The following BCL2L14 variants were observed in gnomAD, a reference collection of about 807,000 sequenced individuals.
The protein encoded by BCL2L14 is apoptosis facilitator Bcl-2-like protein 14.
A neutral mutation model predicts 35.3 loss-of-function variants in BCL2L14; 27 were observed. The observed-to-expected ratio is 0.76, with a 90% CI of 0.56 to 1.05. The LOEUF (loss-of-function observed/expected upper bound fraction) is 1.05. BCL2L14 is among the 50% of genes least tolerant of loss of function. BCL2L14 has a pLI of 0.00. For missense variants in BCL2L14, 377 were observed against 382.6 expected, an observed-to-expected ratio of 0.99 and a Z score of 0.12; for synonymous variants, 139 against 145.9, an observed-to-expected ratio of 0.95 and a Z score of 0.34.
upstream of BCL2L14, among the ~76,000 whole-genome samples, chr12:12,070,322 C>A (rs943482168): frequency 3.3e-5 from 5 of 152,188 alleles, no homozygotes. Flanking sequence ...AGATACTTCA[C>A]CTCTCTGAGC....
chr12:12,087,225 A>C lies in BCL2L14; in HGVS notation c.446A>C (p.Lys149Thr). 1 of 1,614,148 alleles carries C rather than the reference A, an allele frequency of 6.2e-7. No homozygotes were observed. Among genetic ancestry groups the C allele is most frequent in the Non-Finnish European group, 8.5e-7 (1 of 1,180,028 alleles). The change falls in exon 3 of 6, where the codon AAA (lysine) becomes ACA (threonine). Residue 149 changes from lysine (K) to threonine (T), a missense_variant. By Grantham distance (78) the Lys-to-Thr change is moderately conservative. Transcript: ENST00000308721. ...QCLEHEAVDP[K>T]VISIANRVAE... ...TGTCTTGTTTCAGCTGTGGACCCCA[A>C]AGTCATTTCCATTGCCAACCGAGTA...
At chr12:12,097,384 A>G (rs1949338721) in intron 5 of BCL2L14, among the ~76,000 whole-genome samples, 1 of 152,358 alleles carries the variant, frequency 6.6e-6, no homozygotes, top group East Asian at 1.9e-4. Context: ...GCAAGTATTG[A>G]TACATGGATG....
chr12:12,072,673 T>A (rs1948692486), intron 1 of BCL2L14, among the ~76,000 whole-genome samples: 1 of 152,164 alleles, frequency 6.6e-6, no homozygotes, highest in African/African-American at 2.4e-5. Flanking sequence ...ATAAAACTTA[T>A]GGTTTACCTT....
At chr12:12,093,346 T>C (rs1420378257) in intron 4 of BCL2L14, among the ~76,000 whole-genome samples, 3 of 152,162 alleles carry the variant, frequency 2.0e-5, no homozygotes, top group Non-Finnish European at 4.4e-5. Flanking sequence ...TACCCTATAG[T>C]ATAGGGCCAA....
At chr12:12,096,142 C>T (rs1225693862) in intron 5 of BCL2L14, 10 of 985,044 alleles carry the variant, frequency 1.0e-5, no homozygotes, top group Non-Finnish European at 1.2e-5. Context: ...TTCATGTTTG[C>T]ACCATAATAA....
intron 2 of BCL2L14, among the ~76,000 whole-genome samples, chr12:12,081,733 A>T (rs1446128570): frequency 6.6e-6 from 1 of 151,754 alleles, no homozygotes; most frequent in African/African-American, 2.4e-5. Context: ...TAATTTTTGT[A>T]TTTTTAGTAG....
intron 1 of BCL2L14, among the ~76,000 whole-genome samples, chr12:12,073,155 G>A (rs763325858): frequency 2.0e-5 from 3 of 152,300 alleles, no homozygotes; most frequent in Admixed American, 2.0e-4. Flanking sequence ...GATTACAGGC[G>A]TGAGCCACTG....
chr12:12,079,496 A>T lies in BCL2L14; in HGVS notation c.191A>T (p.Asn64Ile). The T allele has an allele frequency of 6.2e-7, 1 of 1,614,250 alleles. No individual in the cohort carries two copies. Among genetic ancestry groups the T allele is most frequent in the Non-Finnish European group, 8.5e-7 (1 of 1,180,044 alleles). The change falls in exon 2 of 6, where the codon AAT (asparagine) becomes ATT (isoleucine). Residue 64 changes from asparagine (N) to isoleucine (I), a missense_variant. Physicochemically the swap from Asn to Ile is moderately radical, Grantham distance 149 (BLOSUM62 -3). Transcript: ENST00000308721. ...AGGGGCCTGGGGAATTGTTCAGCAA[A>T]TGAGTCATGGACAGAGGTGTCATGG... ...SQRGLGNCSANESWTEVSWPC... is the reference protein window; with the variant it reads ...SQRGLGNCSAIESWTEVSWPC...
intron 2 of BCL2L14, among the ~76,000 whole-genome samples, chr12:12,063,883 C>T (rs1374162854): frequency 2.0e-5 from 3 of 151,862 alleles, no homozygotes; most frequent in Middle Eastern, 3.2e-3. Context: ...CCACTGAGTA[C>T]CTTGTGACCC....
intron 2 of BCL2L14, among the ~76,000 whole-genome samples, chr12:12,061,636 A>C (rs888815101): frequency 1.2e-4 from 18 of 151,946 alleles, no homozygotes; most frequent in Non-Finnish European, 2.5e-4. Context: ...CTGGATCTCA[A>C]ACATGCTTTC....
chr12:12,074,098 T>C (rs1383306329), intron 1 of BCL2L14, among the ~76,000 whole-genome samples: 2 of 152,226 alleles, frequency 1.3e-5, no homozygotes, highest in Middle Eastern at 3.2e-3. Flanking sequence ...TTGGGACATA[T>C]ACTAATATTT....
intron 2 of BCL2L14, 77 bp downstream of exon 2, chr12:12,079,815 C>T: frequency 1.4e-6 from 2 of 1,449,032 alleles, no homozygotes; most frequent in South Asian, 1.3e-5. Context: ...CATCTCTTCT[C>T]ATGTTGTAAA....
intron 4 of BCL2L14, among the ~76,000 whole-genome samples, chr12:12,091,761 G>A (rs1349978609): frequency 6.6e-6 from 1 of 152,222 alleles, no homozygotes; most frequent in Non-Finnish European, 1.5e-5. Context: ...AGAACGGGGT[G>A]TGTGAGCTTT....
At chr12:12,067,213 T>G (rs1948604395), upstream of BCL2L14, among the ~76,000 whole-genome samples, 3 of 152,132 alleles carry the variant, frequency 2.0e-5, no homozygotes, top group South Asian at 6.2e-4. Context: ...TTCACTGGAA[T>G]GATGTCGCCA....
At chr12:12,081,201 CACTGTGGGAA>C (rs769155561) in intron 2 of BCL2L14, among the ~76,000 whole-genome samples, 6 of 151,968 alleles carry the variant, frequency 3.9e-5, no homozygotes, top group Non-Finnish European at 7.4e-5. Context: ...ATACTCTCAG[CACTGTGGGAA>C]ACCAAGGCAG....
At position 12,099,263 on chromosome 12, in the gene BCL2L14, G is replaced by T. The variant is rs531308205; in HGVS notation, c.*275G>T. 43 of 439,110 alleles carry T rather than the reference G, an allele frequency of 9.8e-5. 2 individuals are homozygous for T. The South Asian group carries it at 1.2e-3, about 12-fold the overall frequency. The allele number at this position is 439,110 out of a possible 1,614,324, so 27.2% of individuals were successfully genotyped here. On this transcript the variant is annotated 3_prime_UTR_variant, in exon 6 of 6. Coordinates refer to ENST00000308721, the MANE Select transcript of BCL2L14 (RefSeq NM_138723.2). ...GATAAGTGGTGATGTTGTTTCAAAC[G>T]TTCAGAACAGATACCATCATCCTGC...
intron 2 of BCL2L14, among the ~76,000 whole-genome samples, chr12:12,083,330 C>T (rs546687292): frequency 6.6e-6 from 1 of 152,134 alleles, no homozygotes; most frequent in African/African-American, 2.4e-5. Flanking sequence ...GCCTCAGTAC[C>T]GGGCTTACAT....
At chr12:12,061,445 A>G (rs1429808032) in intron 2 of BCL2L14, among the ~76,000 whole-genome samples, 1 of 152,036 alleles carries the variant, frequency 6.6e-6, no homozygotes, top group Non-Finnish European at 1.5e-5. Context: ...ATGGCCTTTT[A>G]AAGCCTATAA....
chr12:12,063,061 G>T (rs924860296), intron 2 of BCL2L14, among the ~76,000 whole-genome samples: 4 of 152,100 alleles, frequency 2.6e-5, no homozygotes, highest in Admixed American at 2.0e-4. Flanking sequence ...TTTTTATTAG[G>T]CCCCAGTCTC....
Sources: allele counts gnomAD v4.1 joint callset (sites outside exome capture counted in the v4.1 genomes callset), GRCh38; gene constraint gnomAD v4.1.1; transcripts MANE v1.5; gene names NCBI Gene and HGNC (gene_info 2026-07-23, HGNC 2026-07-21).